PPARA: variants seen among roughly 807,000 people sequenced by gnomAD.
The protein encoded by PPARA is peroxisome proliferator-activated receptor alpha.
Under a neutral mutation model 42.2 loss-of-function variants are expected in PPARA, and 22 were observed. The ratio of observed to expected loss-of-function variants is 0.52; its 90% confidence interval spans 0.37 to 0.74. The LOEUF (loss-of-function observed/expected upper bound fraction) is 0.74. PPARA is among the 30% of genes least tolerant of loss of function. PPARA has a pLI of 0.00. For synonymous variants in PPARA, 242 were observed against 239.3 expected (o/e 1.01, Z -0.10); for missense variants, 465 against 608.2 (o/e 0.76, Z 2.48).
At chr22:46,176,956 A>C (rs1014514321) in intron 3 of PPARA, 120 bp downstream of exon 3, 3 of 152,306 alleles carry the variant, frequency 2.0e-5, no homozygotes, top group African/African-American at 7.2e-5. Flanking sequence ...CACGCCTGTA[A>C]TCCCAGGACT....
intron 4 of PPARA, among the ~76,000 whole-genome samples, chr22:46,208,691 T>C (rs1289299791): frequency 6.6e-6 from 1 of 152,054 alleles, no homozygotes; most frequent in East Asian, 1.9e-4. Flanking sequence ...TTGACCAACA[T>C]CTCCCCATTC....
intron 3 of PPARA, among the ~76,000 whole-genome samples, chr22:46,185,966 C>CATAT (rs1411572528): frequency 2.7e-4 from 6 of 22,394 alleles, no homozygotes; most frequent in Non-Finnish European, 6.9e-4. Flanking sequence ...TATATATATA[C>CATAT]ACACACACTA....
Position 46,235,429 on chromosome 22 carries a change from C to T in PPARA, c.*49C>T, listed in dbSNP as rs771960362. The T allele has an allele frequency of 2.5e-6, 4 of 1,604,858 alleles. No individual in the cohort carries two copies. The highest frequency in any genetic ancestry group is 2.7e-5 in the African/African-American group (2 of 74,644). On this transcript the variant is annotated 3_prime_UTR_variant, in exon 9 of 9. Transcript: ENST00000407236. The surrounding 1 kb of genome is among the most constrained non-coding windows in gnomAD (Gnocchi z 7.0). ...TTTCCAGGAGTTCTGAAGCTGACAGCACTACAAAGGAGACGGGGGAGCAGC... is the reference window on the plus strand; with the variant it reads ...TTTCCAGGAGTTCTGAAGCTGACAGTACTACAAAGGAGACGGGGGAGCAGC...
intron 2 of PPARA, among the ~76,000 whole-genome samples, chr22:46,154,749 T>G (rs2147094213): frequency 6.6e-6 from 1 of 151,620 alleles, no homozygotes; most frequent in South Asian, 2.1e-4. Context: ...CACGGCCTAT[T>G]GCAGCCTCGA....
rs556015630 is a variant in PPARA, at chr22:46,224,316, C to T, written c.711+4302C>T. Among the ~76,000 whole-genome samples the T allele has an allele frequency of 1.2e-4, 19 of 152,330 alleles. No homozygotes were observed. Among genetic ancestry groups the T allele is most frequent in the East Asian group, 9.6e-4 (5 of 5,186 alleles). ...CTCTGCTTAGTCTGGGAAAAGGCCC[C>T]GTTGGCAGGATGCCCACCACCAGGC... On this transcript the variant is annotated intron_variant, in intron 7 of 8. Coordinates refer to ENST00000407236, the MANE Select transcript of PPARA (RefSeq NM_005036.6). This position sits in a 1 kb window ranked among gnomAD's most constrained non-coding sequence, Gnocchi z 5.7.
chr22:46,194,309 G>A (rs1931935887), intron 3 of PPARA, among the ~76,000 whole-genome samples: 2 of 152,210 alleles, frequency 1.3e-5, no homozygotes, highest in South Asian at 4.1e-4. Flanking sequence ...CAATGTTTCT[G>A]TAAATTAATC....
Position 46,173,993 on chromosome 22 carries a change from A to G in PPARA, c.-126-2760A>G, listed in dbSNP as rs1019036707. 3.6e-5 allele frequency among the ~76,000 whole-genome samples: 3 copies of G among 83,672 alleles called. No individual in the cohort carries two copies. Among genetic ancestry groups the G allele is most frequent in the African/African-American group, 2.4e-4 (3 of 12,530 alleles). The allele number at this position is 83,672 out of a possible 152,430, so 54.9% of individuals were successfully genotyped here. ...GCCGAGGTGGGTGGATTGTGAGGTC[A>G]GGAGATCGAGACCCTCTCTACTAAA... On this transcript the variant is annotated intron_variant, in intron 2 of 8. Coordinates refer to ENST00000407236, the MANE Select transcript of PPARA (RefSeq NM_005036.6). The surrounding 1 kb of genome is among the most constrained non-coding windows in gnomAD (Gnocchi z 4.3).
At chr22:46,177,075 G>A (rs900711150) in intron 3 of PPARA, among the ~76,000 whole-genome samples, 2 of 152,104 alleles carry the variant, frequency 1.3e-5, no homozygotes, top group Non-Finnish European at 2.9e-5. Flanking sequence ...GCCGGGCATG[G>A]TGGCAGGCGC....
chr22:46,158,124 C>T (rs889922728), intron 2 of PPARA, among the ~76,000 whole-genome samples: 1 of 151,718 alleles, frequency 6.6e-6, no homozygotes, highest in Non-Finnish European at 1.5e-5. Context: ...TAAGAGTGAG[C>T]GAGGCCAGGC....
chr22:46,171,011 A>T lies in PPARA; in HGVS notation c.-126-5742A>T, dbSNP rs1325754338. On this transcript the variant is annotated intron_variant, in intron 2 of 8. Coordinates refer to ENST00000407236, the MANE Select transcript of PPARA (RefSeq NM_005036.6). The surrounding 1 kb of genome is among the most constrained non-coding windows in gnomAD (Gnocchi z 5.0). ...CCCTCTCTCTACTAAAAATACAAAA[A>T]TTAGCCAGGCACAATGGCAGGTACC... Among the ~76,000 whole-genome samples the T allele has an allele frequency of 4.6e-5, 7 of 151,932 alleles. No homozygotes were observed.
rs1310294856 is a variant in PPARA, at chr22:46,204,031, C to T, written c.208+5440C>T. ...GCCCCGTGCCTCCCTGCCTCCCTCC[C>T]CCAGTAAACCATGAATCCACTTTCT... On this transcript the variant is annotated intron_variant, in intron 4 of 8. Transcript: ENST00000407236. This position sits in a 1 kb window ranked among gnomAD's most constrained non-coding sequence, Gnocchi z 5.2. 6.6e-6 allele frequency among the ~76,000 whole-genome samples: 1 copy of T among 152,256 alleles called. No homozygotes were observed. Among genetic ancestry groups the T allele is most frequent in the South Asian group, 2.1e-4 (1 of 4,830 alleles).
At chr22:46,154,724 G>A (rs1924992689) in intron 2 of PPARA, among the ~76,000 whole-genome samples, 6 of 151,206 alleles carry the variant, frequency 4.0e-5, no homozygotes, top group Admixed American at 3.9e-4. Context: ...CTAGGCTAGA[G>A]CACAGCTGCA....
intron 4 of PPARA, among the ~76,000 whole-genome samples, chr22:46,208,899 CGTGTGTGTGTGTGTGTGCGT>C (rs1479459417): frequency 6.7e-6 from 1 of 148,710 alleles, no homozygotes; most frequent in Non-Finnish European, 1.5e-5. Flanking sequence ...GAATAGTATT[CGTGTGTGTGTGTGTGTGCGT>C]GTGTGTGTGT....
intron 5 of PPARA, among the ~76,000 whole-genome samples, chr22:46,215,742 T>TA (rs34774436): frequency 0.24 from 36,195 of 149,118 alleles, 4,558 homozygotes; most frequent in African/African-American, 0.33. Context: ...GACTCCATCT[T>TA]AAAAAAAAAG....
At chr22:46,205,555 T>TGTATATA (rs1491143261) in intron 4 of PPARA, among the ~76,000 whole-genome samples, 1 of 13,392 alleles carries the variant, frequency 7.5e-5, no homozygotes, top group East Asian at 1.9e-3. Flanking sequence ...TATATATATA[T>TGTATATA]TTTTTTTTTT....
chr22:46,152,444 T>C (rs1445792452), intron 2 of PPARA, among the ~76,000 whole-genome samples: 1 of 152,172 alleles, frequency 6.6e-6, no homozygotes, highest in Non-Finnish European at 1.5e-5. Context: ...AGGATTCACT[T>C]TGAAGTTCTG....
rs1934068078 is a variant in PPARA, at chr22:46,212,799, C to G, written c.209-2374C>G. 6.6e-6 allele frequency among the ~76,000 whole-genome samples: 1 copy of G among 152,142 alleles called. No homozygotes were observed. The highest frequency in any genetic ancestry group is 2.4e-5 in the African/African-American group (1 of 41,428). ...TCACTTGAGGTCAGGAGTTTGAGAC[C>G]AGCCTGGCCAACATGGTGAAACGCT... On this transcript the variant is annotated intron_variant, in intron 4 of 8. Transcript: ENST00000407236. The surrounding 1 kb of genome is among the most constrained non-coding windows in gnomAD (Gnocchi z 4.2).
rs573675580 is a variant in PPARA at position 46,203,483 on chromosome 22, C to T, written c.208+4892C>T. Among the ~76,000 whole-genome samples, 8 of 152,160 alleles carry T rather than the reference C, an allele frequency of 5.3e-5. No individual in the cohort carries two copies. The highest frequency in any genetic ancestry group is 2.0e-4 in the Admixed American group (3 of 15,268). On this transcript the variant is annotated intron_variant, in intron 4 of 8. Coordinates refer to ENST00000407236, the MANE Select transcript of PPARA (RefSeq NM_005036.6). The surrounding 1 kb of genome is among the most constrained non-coding windows in gnomAD (Gnocchi z 5.8). ...ACAATCTGTTGGGTGTACACACACA[C>T]GCATCTGTGAAACCATCATCACACT...
chr22:46,228,215 C>T (rs374943694), intron 7 of PPARA, among the ~76,000 whole-genome samples: 4 of 152,338 alleles, frequency 2.6e-5, no homozygotes, highest in African/African-American at 9.6e-5. Flanking sequence ...CCGCTGTTGC[C>T]TTCTTGAAAT....
Sources: allele counts gnomAD v4.1 joint callset (sites outside exome capture counted in the v4.1 genomes callset), GRCh38; gene constraint gnomAD v4.1.1; non-coding constraint Gnocchi (gnomAD v3.1); transcripts MANE v1.5; gene names NCBI Gene and HGNC (gene_info 2026-07-23, HGNC 2026-07-21).